ZFAT: variants seen among roughly 807,000 people sequenced by gnomAD.
ZFAT encodes the protein zinc finger protein ZFAT.
A neutral mutation model predicts 117.7 loss-of-function variants in ZFAT; 64 were observed. The observed-to-expected ratio is 0.54, with a 90% CI of 0.44 to 0.67. The LOEUF is 0.67. Ranked by LOEUF, ZFAT falls within the 30% of genes least tolerant of loss-of-function variation. ZFAT has a pLI of 0.00. For missense variants in ZFAT, 1,433 were observed against 1,584.5 expected (o/e 0.90, Z 1.62); for synonymous variants, 679 against 615.0 (o/e 1.10, Z -1.54).
chr8:134,712,656 C>G (rs1470844628), intron 1 of ZFAT, among the ~76,000 whole-genome samples, 189 bp downstream of exon 1: 1 of 146,428 alleles, frequency 6.8e-6, no homozygotes, highest in East Asian at 2.0e-4. Flanking sequence ...GATACCCCAG[C>G]GACTGAACGT....
intron 1 of ZFAT, among the ~76,000 whole-genome samples, chr8:134,711,279 A>ATTTC (rs1489044991): frequency 1.3e-5 from 2 of 152,220 alleles, no homozygotes; most frequent in African/African-American, 4.8e-5. Context: ...ATGGAACTGC[A>ATTTC]TTTCTGCTGA....
At chr8:134,483,983 C>G (rs1817494155) in intron 15 of ZFAT, among the ~76,000 whole-genome samples, 2 of 152,236 alleles carry the variant, frequency 1.3e-5, no homozygotes, top group Admixed American at 6.5e-5. Context: ...CCTGCCTGTT[C>G]TGCCTTCTCC....
intron 11 of ZFAT, among the ~76,000 whole-genome samples, chr8:134,560,753 T>C (rs1183312384): frequency 6.6e-6 from 1 of 152,206 alleles, no homozygotes; most frequent in Non-Finnish European, 1.5e-5. Flanking sequence ...ATGGAAGGAT[T>C]TGGAAGAAAG....
chr8:134,742,281 G>T, the ZFAT span, among the ~76,000 whole-genome samples: 791 of 152,020 alleles, frequency 5.2e-3, 3 homozygotes, highest in African/African-American at 0.018. Context: ...CGTCATCTAG[G>T]TTATATCAAG....
At chr8:134,747,914 C>T in the ZFAT span, among the ~76,000 whole-genome samples, 1 of 152,154 alleles carries the variant, frequency 6.6e-6, no homozygotes, top group African/African-American at 2.4e-5. Flanking sequence ...TGATGAAGTC[C>T]AGAATTAATG....
the ZFAT span, among the ~76,000 whole-genome samples, chr8:134,802,129 A>AAT: frequency 1.3e-5 from 2 of 152,234 alleles, no homozygotes; most frequent in Non-Finnish European, 2.9e-5. Flanking sequence ...AATTACTAGG[A>AAT]AGTTTGTAAT....
rs535965956 is a variant in ZFAT at position 134,512,358 on chromosome 8, G to A, written c.3361+117C>T. The A allele has an allele frequency of 1.3e-4, 185 of 1,452,642 alleles. No homozygotes were observed. The African/African-American group carries it at 2.3e-3, about 18-fold the overall frequency. The allele number at this position is 1,452,642 out of a possible 1,614,324, so 90.0% of individuals were successfully genotyped here. A position where few individuals can be genotyped will look rare whatever the true frequency, so the allele number is the denominator to read the frequency against. ...GGGCTGCTTCTGCAGTCTGAACGCTGGGTCAGGGATTCGGAAGTAGATCAC... is the reference window on the plus strand; with the variant it reads ...GGGCTGCTTCTGCAGTCTGAACGCTAGGTCAGGGATTCGGAAGTAGATCAC... On this transcript the variant is annotated intron_variant, in intron 14 of 15. Transcript: ENST00000377838.
At chr8:134,480,907 G>A (rs1367650478) in intron 15 of ZFAT, among the ~76,000 whole-genome samples, 1 of 152,186 alleles carries the variant, frequency 6.6e-6, no homozygotes, top group African/African-American at 2.4e-5. Flanking sequence ...TCAAAAGGTG[G>A]GTCATGTTTA....
At chr8:134,497,978 A>G (rs76938330) in intron 15 of ZFAT, among the ~76,000 whole-genome samples, 214 of 70,808 alleles carry the variant, frequency 3.0e-3, no homozygotes, top group Admixed American at 3.6e-3. Flanking sequence ...GGGTGGAGCC[A>G]GGATGCCCCC....
chr8:134,816,205 A>C, the ZFAT span, among the ~76,000 whole-genome samples: 1 of 152,216 alleles, frequency 6.6e-6, no homozygotes, highest in African/African-American at 2.4e-5. Context: ...CTAGGACTCA[A>C]AGAAATTAAA....
At chr8:134,769,882 C>T in the ZFAT span, among the ~76,000 whole-genome samples, 1 of 152,226 alleles carries the variant, frequency 6.6e-6, no homozygotes, top group Admixed American at 6.5e-5. Context: ...AGCTGCCAAA[C>T]CTTGGGGCTT....
At chr8:134,784,564 G>T in the ZFAT span, 1 of 151,962 alleles carries the variant, frequency 6.6e-6, no homozygotes, top group Non-Finnish European at 1.5e-5. Flanking sequence ...TTTAAGCAAA[G>T]ATCTCAAGAA....
intron 15 of ZFAT, among the ~76,000 whole-genome samples, chr8:134,496,988 C>T (rs973270431): frequency 1.2e-4 from 19 of 152,236 alleles, no homozygotes; most frequent in African/African-American, 4.1e-4. Flanking sequence ...CAGGGACCCC[C>T]GCCCCCATAG....
At chr8:134,542,217 C>T (rs1024456330) in intron 11 of ZFAT, among the ~76,000 whole-genome samples, 1 of 152,238 alleles carries the variant, frequency 6.6e-6, no homozygotes, top group Non-Finnish European at 1.5e-5. Flanking sequence ...GCAGCTGTGT[C>T]CTGGACCAAA....
At chr8:134,661,773 T>C (rs947656558) in intron 1 of ZFAT, among the ~76,000 whole-genome samples, 22 of 152,074 alleles carry the variant, frequency 1.4e-4, no homozygotes, top group Non-Finnish European at 2.1e-4. Flanking sequence ...GAGGCAGATG[T>C]GCCCCCAAGG....
At chr8:134,727,939 C>A in the ZFAT span, among the ~76,000 whole-genome samples, 6 of 152,150 alleles carry the variant, frequency 3.9e-5, no homozygotes, top group African/African-American at 1.4e-4. Context: ...AAATACATTT[C>A]TTGTTCTTTT....
chr8:134,646,133 T>C (rs898337771), intron 2 of ZFAT, among the ~76,000 whole-genome samples: 1 of 151,950 alleles, frequency 6.6e-6, no homozygotes, highest in Admixed American at 6.6e-5. Flanking sequence ...CGCTTGAAAC[T>C]GGAAGGCGGA....
intron 3 of ZFAT, 70 bp downstream of exon 3, chr8:134,637,391 T>C: frequency 1.3e-6 from 2 of 1,545,726 alleles, no homozygotes; most frequent in South Asian, 2.5e-5. Context: ...ACTGACCCAG[T>C]GAAACCTGAT....
chr8:134,496,157 T>A (rs1374601577), intron 15 of ZFAT, among the ~76,000 whole-genome samples: 1 of 152,272 alleles, frequency 6.6e-6, no homozygotes, highest in Non-Finnish European at 1.5e-5. Context: ...ACAGGGCCAG[T>A]GGCTTCATTT....
Sources: gnomAD v4.1 joint callset for allele counts (sites outside exome capture counted in the v4.1 genomes callset) on GRCh38, gnomAD v4.1.1 for gene constraint, MANE v1.5 for transcripts, NCBI Gene and HGNC (gene_info 2026-07-23, HGNC 2026-07-21) for gene names.